NCOA7: variants seen among roughly 807,000 people sequenced by gnomAD.
NCOA7 encodes nuclear receptor coactivator 7.
NCOA7 carries 45 observed loss-of-function variants against 104.3 expected under a neutral mutation model. That is an observed-to-expected ratio of 0.43 (90% CI 0.34 to 0.55). The LOEUF is 0.55. NCOA7 is among the 20% of genes least tolerant of loss of function. The pLI, the probability that NCOA7 is intolerant of heterozygous loss-of-function variation, is 0.02. For missense variants in NCOA7, 1,041 were observed against 1,119.7 expected (o/e 0.93, Z 1.00); for synonymous variants, 398 against 402.3 (o/e 0.99, Z 0.13).
chr6:125,919,610 GA>G (rs1439002966), intron 11 of NCOA7, among the ~76,000 whole-genome samples: 3 of 152,162 alleles, frequency 2.0e-5, no homozygotes, highest in African/African-American at 7.2e-5. Context: ...ATTGGAGCCA[GA>G]AATCCATATT....
intron 2 of NCOA7, among the ~76,000 whole-genome samples, chr6:125,845,147 G>A (rs991452628): frequency 2.0e-5 from 3 of 152,010 alleles, no homozygotes; most frequent in Admixed American, 6.6e-5. Context: ...AGAATTAGAC[G>A]ACCAGGAAAA....
At chr6:125,868,026 C>T (rs75090437) in intron 3 of NCOA7, among the ~76,000 whole-genome samples, 1,924 of 152,236 alleles carry the variant, frequency 0.013, 35 homozygotes, top group African/African-American at 0.044. Flanking sequence ...TACTCTTTAG[C>T]GTTGCATTGC....
intron 1 of NCOA7, among the ~76,000 whole-genome samples, chr6:125,809,727 G>A (rs1228842566): frequency 6.6e-6 from 1 of 152,166 alleles, no homozygotes; most frequent in Non-Finnish European, 1.5e-5. Context: ...TTCCTTACGT[G>A]ACCAAACACA....
At chr6:125,809,683 G>T (rs183679351) in intron 1 of NCOA7, among the ~76,000 whole-genome samples, 8 of 152,286 alleles carry the variant, frequency 5.3e-5, no homozygotes. Context: ...TTTCTAGGAG[G>T]AAATGCCTGC....
At chr6:125,877,855 G>A (rs1783505140) in intron 4 of NCOA7, among the ~76,000 whole-genome samples, 1 of 152,314 alleles carries the variant, frequency 6.6e-6, no homozygotes, top group Admixed American at 6.5e-5. Context: ...GCAGTTTATA[G>A]TATATGGAAA....
At chr6:125,856,567 T>C (rs1419777737) in intron 3 of NCOA7, among the ~76,000 whole-genome samples, 4 of 152,288 alleles carry the variant, frequency 2.6e-5, no homozygotes, top group Admixed American at 2.6e-4. Context: ...TTAGCCAGGA[T>C]GGTCTCGATC....
intron 2 of NCOA7, among the ~76,000 whole-genome samples, chr6:125,832,070 C>T (rs1411585710): frequency 1.3e-5 from 2 of 152,146 alleles, no homozygotes; most frequent in Non-Finnish European, 2.9e-5. Context: ...GGCTTGTTTG[C>T]GTCAATTCTT....
intron 2 of NCOA7, among the ~76,000 whole-genome samples, chr6:125,838,863 A>C (rs1405528736): frequency 6.6e-6 from 1 of 151,944 alleles, no homozygotes; most frequent in Non-Finnish European, 1.5e-5. Context: ...TTTATTATAA[A>C]GGATATAACT....
At chr6:125,788,418 C>T (rs1399764721), upstream of NCOA7, among the ~76,000 whole-genome samples, 1 of 152,062 alleles carries the variant, frequency 6.6e-6, no homozygotes. Context: ...GAGCAGAAAT[C>T]TTTATTATAT....
intron 4 of NCOA7, 50 bp from the exon 5 acceptor site, chr6:125,878,213 G>A (rs1739506790): frequency 8.0e-7 from 1 of 1,256,636 alleles, no homozygotes; most frequent in Non-Finnish European, 1.1e-6. Flanking sequence ...TCTATCAAAA[G>A]TAATTTTTTT....
intron 1 of NCOA7, among the ~76,000 whole-genome samples, chr6:125,782,451 G>A (rs1172197313): frequency 6.6e-6 from 1 of 152,050 alleles, no homozygotes; most frequent in Non-Finnish European, 1.5e-5. Flanking sequence ...TTATTATATG[G>A]TCAATAATCA....
At chr6:125,869,708 C>T (rs1782732466) in intron 3 of NCOA7, among the ~76,000 whole-genome samples, 1 of 152,186 alleles carries the variant, frequency 6.6e-6, no homozygotes. Context: ...TTGGCTGAAG[C>T]TTCCTGCAGA....
Position 125,928,776 on chromosome 6 carries a change from C to T in NCOA7, c.*5C>T. The T allele has an allele frequency of 6.2e-7, 1 of 1,609,648 alleles. No individual in the cohort carries two copies. ...GAGGTGTGGGCATTTGATTGAAATT[C>T]AGACTGCCTTAAAATATAACATTAA... On this transcript the variant is annotated 3_prime_UTR_variant, in exon 16 of 16. Coordinates refer to ENST00000392477, the MANE Select transcript of NCOA7 (RefSeq NM_181782.5).
chr6:125,812,876 C>G (rs1777167580), intron 1 of NCOA7, among the ~76,000 whole-genome samples: 2 of 152,322 alleles, frequency 1.3e-5, no homozygotes, highest in African/African-American at 4.8e-5. Context: ...TCCTTGTTAT[C>G]TACACTGCAT....
At chr6:125,808,511 A>C (rs900015049) in intron 1 of NCOA7, among the ~76,000 whole-genome samples, 1 of 152,108 alleles carries the variant, frequency 6.6e-6, no homozygotes, top group Admixed American at 6.6e-5. Context: ...TCCAAAAGTG[A>C]TCCACTTGTC....
chr6:125,811,031 G>T (rs1308158352), intron 1 of NCOA7, among the ~76,000 whole-genome samples: 1 of 152,058 alleles, frequency 6.6e-6, no homozygotes, highest in East Asian at 1.9e-4. Context: ...CAATTAGATT[G>T]CTGTAACTTA....
chr6:125,907,482 G>A (rs774001375), intron 10 of NCOA7, among the ~76,000 whole-genome samples: 5 of 152,174 alleles, frequency 3.3e-5, no homozygotes, highest in Admixed American at 6.5e-5. Flanking sequence ...GTGCAGGAGC[G>A]GGAATAACAG....
At chr6:125,901,255 C>T (rs1001132242) in intron 10 of NCOA7, among the ~76,000 whole-genome samples, 1 of 152,012 alleles carries the variant, frequency 6.6e-6, no homozygotes, top group Non-Finnish European at 1.5e-5. Context: ...TTAATGGTTC[C>T]TGCTTATCAG....
Position 125,889,224 on chromosome 6 carries a change from C to G in NCOA7, c.1170C>G (p.Leu390=), listed in dbSNP as rs1373069492. The part of the protein sequence containing the change: ...TSHGSPTVTK[L]SKEPSDTSSA... ...ATGGTTCTCCCACAGTGACTAAGCT[C>G]AGCAAGGAACCTTCCGACACTTCTT... Residue 390 remains leucine (L), a synonymous_variant, in exon 9 of 16, where the codon CTC becomes CTG. Coordinates refer to ENST00000392477, the MANE Select transcript of NCOA7 (RefSeq NM_181782.5). 23 of 1,613,838 alleles carry G rather than the reference C, an allele frequency of 1.4e-5. No individual in the cohort carries two copies. The highest frequency in any genetic ancestry group is 1.9e-5 in the Non-Finnish European group (22 of 1,179,996).
Sources: gnomAD v4.1 joint callset for allele counts (sites outside exome capture counted in the v4.1 genomes callset) on GRCh38, gnomAD v4.1.1 for gene constraint, MANE v1.5 for transcripts, NCBI Gene and HGNC (gene_info 2026-07-23, HGNC 2026-07-21) for gene names.